LAMA2: variants seen among roughly 807,000 people sequenced by gnomAD.
LAMA2 encodes laminin subunit alpha-2.
Under a neutral mutation model 364.8 loss-of-function variants are expected in LAMA2, and 269 were observed. The ratio of observed to expected loss-of-function variants is 0.74; its 90% CI spans 0.67 to 0.82. LAMA2 has a LOEUF of 0.82. Ranked by LOEUF, LAMA2 falls within the 40% of genes least tolerant of loss-of-function variation. The probability of loss-of-function intolerance (pLI) is 0.00; values close to 1 mark genes in which losing one functional copy is unlikely to be tolerated. For missense variants in LAMA2, 3,807 were observed against 3,873.2 expected (o/e 0.98, Z 0.45); for synonymous variants, 1,379 against 1,370.6 (o/e 1.01, Z -0.14).
chr6:129,206,098 GAGGGAGGGAGGAAGGA>G lies in LAMA2; in HGVS notation c.1782+13249_1782+13264del, dbSNP rs1280215213. Among the ~76,000 whole-genome samples, 205 of 98,480 alleles carry G rather than the reference GAGGGAGGGAGGAAGGA, an allele frequency of 2.1e-3. 11 individuals carry two copies. The highest frequency in any genetic ancestry group is 0.011 in the African/African-American group (198 of 18,456). The allele number at this position is 98,480 out of a possible 152,430, so 64.6% of individuals were successfully genotyped here. ...AAAGGAAAGGAGGAAGGAAGGGAGG[GAGGGAGGGAGGAAGGA>G]AGGAAGGAAGGAAGGAAGGAAGGAA... On this transcript the variant is annotated intron_variant, in intron 12 of 64. Transcript: ENST00000421865.
intron 12 of LAMA2, among the ~76,000 whole-genome samples, chr6:129,202,187 CAAAAAAAA>C (rs776190977): frequency 3.2e-5 from 2 of 62,146 alleles, no homozygotes; most frequent in African/African-American, 1.1e-4. Flanking sequence ...GAGTCTGTCT[CAAAAAAAA>C]AAAAAAAAAA....
In LAMA2 at chr6:129,415,901, T is replaced by C. The variant is rs117553717; in HGVS notation, c.5866-11851T>C. Among the ~76,000 whole-genome samples, 20 of 151,790 alleles carry C rather than the reference T, an allele frequency of 1.3e-4. No homozygotes were observed. The East Asian group carries it at 3.7e-3, about 28-fold the overall frequency. ...TGTGGCTAGGAAAGAGTGCCAACCC[T>C]GTCCAAAGGGAAGCTTTCTTTGCTG... On this transcript the variant is annotated intron_variant, in intron 40 of 64. Transcript: ENST00000421865.
chr6:129,052,446 C>G (rs968587063), intron 2 of LAMA2, among the ~76,000 whole-genome samples: 2 of 151,990 alleles, frequency 1.3e-5, no homozygotes, highest in African/African-American at 4.8e-5. Context: ...CCGCGCCCGG[C>G]CTTTTCTCTG....
At chr6:129,331,808 C>T (rs1775672603) in intron 29 of LAMA2, among the ~76,000 whole-genome samples, 1 of 152,094 alleles carries the variant, frequency 6.6e-6, no homozygotes, top group Non-Finnish European at 1.5e-5. Flanking sequence ...TAAAAACAGG[C>T]TATCACCTCC....
intron 12 of LAMA2, among the ~76,000 whole-genome samples, chr6:129,208,601 G>A (rs1037712454): frequency 6.9e-6 from 1 of 144,040 alleles, no homozygotes; most frequent in Non-Finnish European, 1.5e-5. Flanking sequence ...GGAAAGAAGA[G>A]AGGGAGAAAG....
At chr6:128,995,532 C>T (rs1306720653) in intron 1 of LAMA2, among the ~76,000 whole-genome samples, 3 of 152,134 alleles carry the variant, frequency 2.0e-5, no homozygotes, top group Middle Eastern at 3.2e-3. Context: ...CCGTGTTGGC[C>T]GGGCTGGTCT....
chr6:129,300,540 T>G (rs1773484995), intron 21 of LAMA2, among the ~76,000 whole-genome samples, 196 bp from the exon 22 acceptor site: 1 of 152,166 alleles, frequency 6.6e-6, no homozygotes, highest in Non-Finnish European at 1.5e-5. Context: ...CATCTTATAT[T>G]TATTGAACAG....
intron 1 of LAMA2, 24 bp from the exon 2 acceptor site, chr6:129,049,893 AC>A: frequency 6.2e-7 from 1 of 1,606,702 alleles, no homozygotes; most frequent in Non-Finnish European, 8.5e-7. Context: ...TGGTCTACAC[AC>A]CTTCATTTGT....
intron 40 of LAMA2, among the ~76,000 whole-genome samples, chr6:129,424,077 C>T (rs1424406910): frequency 6.6e-6 from 1 of 151,914 alleles, no homozygotes; most frequent in East Asian, 1.9e-4. Flanking sequence ...TAGATCCAGA[C>T]ATGTATGGTC....
chr6:129,146,976 G>A lies in LAMA2; in HGVS notation c.837G>A (p.Lys279=), dbSNP rs1209557342. The A allele has an allele frequency of 2.5e-6, 4 of 1,610,388 alleles. No individual in the cohort carries two copies. The highest frequency in any genetic ancestry group is 3.4e-6 in the Non-Finnish European group (4 of 1,176,914). The part of the protein sequence containing the change: ...IVTRRYYYSV[K]DISVGGMCIC... ...TTTTGCAGTATTACTACTCGGTCAA[G>A]GATATTTCAGTTGGAGGGATGTGCA... Residue 279 remains lysine (K), a synonymous_variant, in exon 6 of 65, where the codon AAG becomes AAA. Transcript: ENST00000421865.
intron 12 of LAMA2, among the ~76,000 whole-genome samples, chr6:129,205,169 C>T (rs1173273260): frequency 1.3e-5 from 2 of 151,888 alleles, no homozygotes; most frequent in African/African-American, 4.8e-5. Flanking sequence ...GCAGATGGAT[C>T]ACGACGTCAG....
chr6:129,040,347 A>T lies in LAMA2; in HGVS notation c.113-9571A>T, dbSNP rs1218787742. Among the ~76,000 whole-genome samples the T allele has an allele frequency of 3.9e-5, 6 of 152,328 alleles. No homozygotes were observed. In the East Asian group the frequency reaches 7.7e-4, roughly 20 times the overall value. ...TTTGAAAAGAAGTTATTGGGTGAAC[A>T]TGATGGCTCATGCCTGTAATCTCAA... On this transcript the variant is annotated intron_variant, in intron 1 of 64. Transcript: ENST00000421865.
intron 1 of LAMA2, among the ~76,000 whole-genome samples, chr6:128,883,880 T>G (rs1048895492): frequency 6.6e-6 from 1 of 151,882 alleles, no homozygotes; most frequent in Non-Finnish European, 1.5e-5. Context: ...TTTCAACTTT[T>G]AAAACAGGAT....
intron 51 of LAMA2, among the ~76,000 whole-genome samples, chr6:129,467,059 AAGG>A (rs1783579193): frequency 6.6e-6 from 1 of 151,864 alleles, no homozygotes; most frequent in Admixed American, 6.6e-5. Flanking sequence ...TTGAAGAAAG[AAGG>A]AGAAGATGGA....
intron 1 of LAMA2, among the ~76,000 whole-genome samples, chr6:128,981,713 G>A (rs1442045221): frequency 6.6e-6 from 1 of 152,076 alleles, no homozygotes. Context: ...TTGAGCCACT[G>A]CACTCCAGCA....
rs1454007342 is a variant in LAMA2, at chr6:129,252,249, G to T, written c.2050G>T (p.Val684Phe). 6.2e-7 allele frequency: 1 copy of T among 1,613,914 alleles called. No homozygotes were observed. Among genetic ancestry groups the T allele is most frequent in the Non-Finnish European group, 8.5e-7 (1 of 1,179,964 alleles). ...FMTVLANLKRVLLQITYSFGM... is the reference protein window; with the variant it reads ...FMTVLANLKRFLLQITYSFGM... ...GACAGTGCTTGCGAATTTGAAGAGA[G>T]TCCTCCTACAAATCACATACAGCTT... Residue 684 changes from valine to phenylalanine, a missense_variant, in exon 14 of 65, where the codon GTC becomes TTC. Physicochemically the swap from Val to Phe is conservative, Grantham distance 50 (BLOSUM62 -1). This residue lies in a region of LAMA2 where 3,333 missense variants were observed against 3,345.7 expected (regional missense o/e 1.00). Transcript: ENST00000421865.
intron 35 of LAMA2, among the ~76,000 whole-genome samples, chr6:129,386,287 C>G (rs1779010651): frequency 6.6e-6 from 1 of 151,912 alleles, no homozygotes; most frequent in African/African-American, 2.4e-5. Context: ...AAAACACATT[C>G]ATCTTTAAGA....
intron 7 of LAMA2, among the ~76,000 whole-genome samples, chr6:129,151,735 G>A (rs1778808876): frequency 1.3e-5 from 2 of 152,190 alleles, no homozygotes; most frequent in South Asian, 4.2e-4. Context: ...ATCAGATCTT[G>A]TACGAACTCA....
chr6:129,327,573 A>T (rs1023126273), intron 28 of LAMA2, among the ~76,000 whole-genome samples: 20 of 152,240 alleles, frequency 1.3e-4, no homozygotes, highest in Non-Finnish European at 2.4e-4. Flanking sequence ...TCTTCGTGCC[A>T]GAGCTGTGGA....
Sources: gnomAD v4.1 joint callset for allele counts (sites outside exome capture counted in the v4.1 genomes callset) on GRCh38, gnomAD v4.1.1 for gene constraint, gnomAD v4.1.1 regional missense constraint, MANE v1.5 for transcripts, NCBI Gene and HGNC (gene_info 2026-07-23, HGNC 2026-07-21) for gene names.